The following MTUS2 variants were observed in gnomAD, a reference collection of about 807,000 sequenced individuals.
MTUS2 encodes the protein microtubule associated scaffold protein 2.
In MTUS2, 40 loss-of-function variants were observed where a neutral mutation model predicts 114.1. That is an observed-to-expected ratio of 0.35 (90% confidence interval 0.27 to 0.46). The LOEUF (loss-of-function observed/expected upper bound fraction) is 0.46, where lower values mean the gene tolerates loss of function less well. MTUS2 is among the 20% of genes least tolerant of loss of function. MTUS2 has a pLI of 1.00. For missense variants in MTUS2, 1,679 were observed against 1,705.4 expected, an observed-to-expected ratio of 0.98 and a Z score of 0.27; for synonymous variants, 688 against 672.0, an observed-to-expected ratio of 1.02 and a Z score of -0.37.
chr13:29,021,306 T>G (rs938693673), intron 2 of MTUS2, among the ~76,000 whole-genome samples: 2 of 152,222 alleles, frequency 1.3e-5, no homozygotes, highest in African/African-American at 2.4e-5. Context: ...GAGAAAATAC[T>G]GGGCCCCTAG....
intron 2 of MTUS2, among the ~76,000 whole-genome samples, chr13:28,892,949 T>C (rs1440373409): frequency 6.6e-6 from 1 of 152,082 alleles, no homozygotes; most frequent in East Asian, 1.9e-4. Flanking sequence ...TTTTTTAGCA[T>C]GTGGAATTTA....
chr13:29,072,042 G>A (rs985088598), intron 4 of MTUS2: 2 of 152,318 alleles, frequency 1.3e-5, no homozygotes, highest in African/African-American at 4.8e-5. Flanking sequence ...AGGCTGGTAG[G>A]TCAGCAGGTT....
chr13:29,096,613 G>T (rs766908811), intron 4 of MTUS2, among the ~76,000 whole-genome samples: 1 of 152,156 alleles, frequency 6.6e-6, no homozygotes, highest in Non-Finnish European at 1.5e-5. Context: ...TGAGATTGCC[G>T]TTAGGCCCAA....
chr13:28,827,515 A>C (rs577405043), intron 1 of MTUS2, among the ~76,000 whole-genome samples: 1 of 152,328 alleles, frequency 6.6e-6, no homozygotes, highest in African/African-American at 2.4e-5. Context: ...TATAAATGTG[A>C]GTTAGCATTA....
intron 5 of MTUS2, among the ~76,000 whole-genome samples, chr13:29,268,680 A>AT (rs1390325849): frequency 4.6e-5 from 7 of 151,422 alleles, no homozygotes; most frequent in Non-Finnish European, 7.4e-5. Context: ...TTTTCATGGC[A>AT]TTTTGCACTG....
intron 8 of MTUS2, among the ~76,000 whole-genome samples, chr13:29,379,082 C>T (rs1409832587): frequency 6.6e-6 from 1 of 152,204 alleles, no homozygotes; most frequent in East Asian, 1.9e-4. Context: ...CTTCCCCCTC[C>T]ACCATCATTG....
At chr13:29,307,023 C>T (rs1046130599) in intron 6 of MTUS2, 3 of 527,646 alleles carry the variant, frequency 5.7e-6, no homozygotes, top group East Asian at 9.4e-5. Flanking sequence ...AGCGAGATCC[C>T]TCCAAAATCA....
intron 5 of MTUS2, among the ~76,000 whole-genome samples, chr13:29,132,378 C>G (rs1044056974): frequency 2.0e-5 from 3 of 152,092 alleles, no homozygotes; most frequent in Admixed American, 6.5e-5. Context: ...AGAATACACA[C>G]GACAAAATTT....
intron 5 of MTUS2, among the ~76,000 whole-genome samples, chr13:29,149,965 G>T (rs888700075): frequency 5.3e-5 from 8 of 152,056 alleles, no homozygotes; most frequent in African/African-American, 1.9e-4. Context: ...TTCCAGCTTT[G>T]TTCTTTTTGA....
At position 29,005,637 on chromosome 13, in the gene MTUS2, T is replaced by C. The variant is rs572914239; in HGVS notation, c.-242-18820T>C. Among the ~76,000 whole-genome samples, 3 of 152,344 alleles carry C rather than the reference T, an allele frequency of 2.0e-5. No individual in the cohort carries two copies. The South Asian group carries it at 6.2e-4, about 32-fold the overall frequency. ...AGGCAGAGAAAGTGCAGCCGTCGTCTTGGACACAAGGAAGCAGGGAACTCT... is the reference window on the plus strand; with the variant it reads ...AGGCAGAGAAAGTGCAGCCGTCGTCCTGGACACAAGGAAGCAGGGAACTCT... On this transcript the variant is annotated intron_variant, in intron 2 of 15. Transcript: ENST00000612955.
At chr13:29,194,884 G>A (rs1216640117) in intron 5 of MTUS2, among the ~76,000 whole-genome samples, 1 of 150,092 alleles carries the variant, frequency 6.7e-6, no homozygotes, top group African/African-American at 2.4e-5. Flanking sequence ...AGAAAATGTG[G>A]CACATATACA....
At chr13:29,018,307 G>C (rs961808462) in intron 2 of MTUS2, among the ~76,000 whole-genome samples, 1 of 152,196 alleles carries the variant, frequency 6.6e-6, no homozygotes, top group Non-Finnish European at 1.5e-5. Context: ...CACTCAGGGT[G>C]ATATTCTTGG....
rs1279376465 is a variant in MTUS2, at chr13:29,253,929, GC to G, written c.2645-27770del. 2.0e-5 allele frequency among the ~76,000 whole-genome samples: 3 copies of G among 152,226 alleles called. No homozygotes were observed. The East Asian group carries it at 5.8e-4, about 29-fold the overall frequency. On this transcript the variant is annotated intron_variant, in intron 5 of 15. Coordinates refer to ENST00000612955, the MANE Select transcript of MTUS2 (RefSeq NM_001033602.4). ...CACGAGAACAGCACGGGAAAGACTT[GC>G]CCCCATGATGTAATTACCTCCCACT...
chr13:29,155,569 A>G (rs1386423836), intron 5 of MTUS2, among the ~76,000 whole-genome samples: 1 of 152,182 alleles, frequency 6.6e-6, no homozygotes, highest in Non-Finnish European at 1.5e-5. Flanking sequence ...CAGGATGGAT[A>G]TGCTCTAAGA....
chr13:29,065,940 C>T (rs1167122729), intron 4 of MTUS2, among the ~76,000 whole-genome samples: 1 of 152,118 alleles, frequency 6.6e-6, no homozygotes, highest in East Asian at 1.9e-4. Context: ...TGCAAAGCCC[C>T]CTGGGTCAGG....
chr13:28,883,894 T>C (rs1055276803), intron 2 of MTUS2, among the ~76,000 whole-genome samples: 4 of 152,088 alleles, frequency 2.6e-5, no homozygotes, highest in African/African-American at 9.7e-5. Context: ...AAATAAAAAG[T>C]GTTGGTGAGG....
intron 5 of MTUS2, among the ~76,000 whole-genome samples, chr13:29,215,027 A>G (rs1028924077): frequency 1.3e-5 from 2 of 149,960 alleles, no homozygotes; most frequent in Non-Finnish European, 3.0e-5. Context: ...CTTTCCACAT[A>G]GTCCCATATT....
chr13:29,363,138 T>G (rs1348578623), intron 8 of MTUS2, among the ~76,000 whole-genome samples: 1 of 152,068 alleles, frequency 6.6e-6, no homozygotes. Context: ...GGTTGAATGG[T>G]GTGATGGTGC....
Position 29,504,453 on chromosome 13 carries a change from A to G in MTUS2, c.*1247A>G. On this transcript the variant is annotated 3_prime_UTR_variant, in exon 16 of 16. Coordinates refer to ENST00000612955, the MANE Select transcript of MTUS2 (RefSeq NM_001033602.4). ...GTTCTGAGCTGTGCTAGATCATCAC[A>G]CGACCACCCAGAAACCCACTTGCAC... is the stretch of plus-strand genomic sequence containing the variant. 1 of 231,684 alleles carries G rather than the reference A, an allele frequency of 4.3e-6. No homozygotes were observed. Among genetic ancestry groups the G allele is most frequent in the Non-Finnish European group, 8.5e-6 (1 of 117,374 alleles). The allele number at this position is 231,684 out of a possible 1,614,324, so 14.4% of individuals were successfully genotyped here.
Sources: allele counts gnomAD v4.1 joint callset (sites outside exome capture counted in the v4.1 genomes callset), GRCh38; gene constraint gnomAD v4.1.1; transcripts MANE v1.5; gene names NCBI Gene and HGNC (gene_info 2026-07-23, HGNC 2026-07-21).